Variants in RMND1 observed in about 807,000 individuals in gnomAD.
The protein encoded by RMND1 is required for meiotic nuclear division 1 homolog.
A neutral mutation model predicts 54.0 loss-of-function variants in RMND1; 41 were observed. That is an observed-to-expected ratio of 0.76 (90% CI 0.59 to 0.98). RMND1 has a LOEUF of 0.98. Among genes scored for constraint, RMND1 ranks in the 50% least tolerant of loss-of-function variants. The pLI is 0.00. For synonymous variants in RMND1, 183 were observed against 181.7 expected (o/e 1.01, Z -0.06); for missense variants, 457 against 532.0 (o/e 0.86, Z 1.39).
intron 3 of RMND1, 22 bp from the exon 4 acceptor site, chr6:151,433,252 C>A (rs1253224359): frequency 1.9e-6 from 3 of 1,555,808 alleles, no homozygotes; most frequent in Admixed American, 1.7e-5. Context: ...AATAAACGAA[C>A]AAAAAAGCTA....
intron 5 of RMND1, among the ~76,000 whole-genome samples, chr6:151,429,534 T>C (rs1243608052): frequency 2.7e-5 from 4 of 148,636 alleles, no homozygotes; most frequent in Non-Finnish European, 4.5e-5. Flanking sequence ...AGTATATGGA[T>C]GATTTAACAA....
At chr6:151,424,355 C>G (rs948729243) in intron 6 of RMND1, among the ~76,000 whole-genome samples, 1 of 151,140 alleles carries the variant, frequency 6.6e-6, no homozygotes, top group African/African-American at 2.4e-5. Flanking sequence ...CCCAGCTACT[C>G]GGGAGGCTGA....
Position 151,421,150 on chromosome 6 carries a change from C to A in RMND1, c.1079+95G>T, listed in dbSNP as rs1190744134. On this transcript the variant is annotated intron_variant, in intron 9 of 11. Transcript: ENST00000444024. ...TGAAAACAGCTACAGTTCCCATAAA[C>A]GTGTAAATGTTTGCTCTTCACCACA... The A allele has an allele frequency of 4.7e-6, 4 of 858,182 alleles. No homozygotes were observed. In the Admixed American group the frequency reaches 7.0e-5, roughly 15 times the overall value. The allele number at this position is 858,182 out of a possible 1,614,324, so 53.2% of individuals were successfully genotyped here.
chr6:151,442,486 TTC>T (rs1424220017), intron 2 of RMND1, among the ~76,000 whole-genome samples: 1 of 152,198 alleles, frequency 6.6e-6, no homozygotes, highest in Non-Finnish European at 1.5e-5. Flanking sequence ...TCCTCTGCTG[TTC>T]TCTTCAAAGA....
At chr6:151,413,665 T>C (rs917610431) in intron 10 of RMND1, 7 of 152,286 alleles carry the variant, frequency 4.6e-5, no homozygotes, top group African/African-American at 9.6e-5. Flanking sequence ...CCTCTGGATC[T>C]TCAGCCTGTG....
chr6:151,425,373 ACT>A (rs1294807087), intron 6 of RMND1, among the ~76,000 whole-genome samples: 53 of 150,956 alleles, frequency 3.5e-4, no homozygotes, highest in African/African-American at 1.1e-3. Context: ...AAAATAACTG[ACT>A]CTGGGATCCT....
At chr6:151,438,761 T>C (rs1398978347) in intron 2 of RMND1, among the ~76,000 whole-genome samples, 1 of 151,414 alleles carries the variant, frequency 6.6e-6, no homozygotes, top group Non-Finnish European at 1.5e-5. Context: ...CATGTGGTAC[T>C]GGCCAAGCCC....
chr6:151,448,894 C>T (rs551548076), intron 1 of RMND1, among the ~76,000 whole-genome samples: 84 of 151,128 alleles, frequency 5.6e-4, no homozygotes, highest in African/African-American at 1.8e-3. Context: ...CTGGCCAACA[C>T]GGCGAAACCC....
intron 2 of RMND1, among the ~76,000 whole-genome samples, chr6:151,440,846 T>C: frequency 6.6e-6 from 1 of 152,216 alleles, no homozygotes; most frequent in East Asian, 1.9e-4. Flanking sequence ...TTATTAAAGA[T>C]GCTGTTGTTT....
At chr6:151,430,442 T>C (rs1006000587) in intron 4 of RMND1, among the ~76,000 whole-genome samples, 5 of 152,232 alleles carry the variant, frequency 3.3e-5, no homozygotes, top group African/African-American at 1.2e-4. Flanking sequence ...TAATACTATA[T>C]AACTTCACGT....
intron 9 of RMND1, among the ~76,000 whole-genome samples, chr6:151,419,978 G>GT (rs11385520): frequency 0.23 from 35,287 of 151,944 alleles, 6,442 homozygotes; most frequent in African/African-American, 0.52. Flanking sequence ...TTTAGATTTA[G>GT]TTTTTTAATC....
intron 9 of RMND1, chr6:151,420,618 G>A (rs969354312): frequency 4.6e-5 from 7 of 152,076 alleles, no homozygotes; most frequent in Admixed American, 1.3e-4. Context: ...TTAACATCTC[G>A]AGGCATCTTA....
chr6:151,450,456 G>GGTCAGCCCCCCGCCCA (rs1364661229), intron 1 of RMND1, among the ~76,000 whole-genome samples: 3 of 51,722 alleles, frequency 5.8e-5, no homozygotes, highest in African/African-American at 2.1e-4. Context: ...GAGGTGGGGG[G>GGTCAGCCCCCCGCCCA]GCCAGCCCCC....
intron 5 of RMND1, among the ~76,000 whole-genome samples, chr6:151,428,124 TAAATAAA>T (rs1366347819): frequency 2.0e-5 from 3 of 151,808 alleles, no homozygotes; most frequent in Non-Finnish European, 2.9e-5. Flanking sequence ...AAAAAATAAA[TAAATAAA>T]AAATAAAAAG....
intron 9 of RMND1, 49 bp from the exon 10 acceptor site, chr6:151,417,448 A>T (rs1474800128): frequency 2.1e-6 from 3 of 1,411,400 alleles, no homozygotes; most frequent in Non-Finnish European, 2.9e-6. Context: ...ATTAAAAATC[A>T]TTGTTTCTAT....
intron 1 of RMND1, among the ~76,000 whole-genome samples, chr6:151,447,338 GTGA>G (rs1780985320): frequency 6.7e-6 from 1 of 150,128 alleles, no homozygotes; most frequent in African/African-American, 2.5e-5. Flanking sequence ...CAAATTTTTG[GTGA>G]TGATATGTAG....
chr6:151,447,995 T>C (rs1473405995), intron 1 of RMND1, among the ~76,000 whole-genome samples: 4 of 152,048 alleles, frequency 2.6e-5, no homozygotes, highest in Non-Finnish European at 4.4e-5. Context: ...TTTGTATTTT[T>C]AGTAGAGACG....
At chr6:151,436,995 G>A (rs1352439689) in intron 2 of RMND1, among the ~76,000 whole-genome samples, 3 of 152,210 alleles carry the variant, frequency 2.0e-5, no homozygotes, top group Non-Finnish European at 4.4e-5. Context: ...TGTACAGGCA[G>A]ATTCCTTTAA....
intron 2 of RMND1, chr6:151,444,633 G>A (rs780005574): frequency 2.3e-5 from 3 of 127,814 alleles, no homozygotes; most frequent in Admixed American, 7.5e-5. Flanking sequence ...GATGACTATC[G>A]GCATTAAAGA....
Sources: gnomAD v4.1 joint callset for allele counts (sites outside exome capture counted in the v4.1 genomes callset) on GRCh38, gnomAD v4.1.1 for gene constraint, MANE v1.5 for transcripts, NCBI Gene and HGNC (gene_info 2026-07-23, HGNC 2026-07-21) for gene names.